Variants in COL9A3 observed in about 807,000 individuals in gnomAD.
COL9A3 encodes the protein collagen alpha-3(IX) chain.
Under a neutral mutation model 110.2 loss-of-function variants are expected in COL9A3, and 82 were observed. That is an observed-to-expected ratio of 0.74 (90% confidence interval 0.62 to 0.89). COL9A3 has a LOEUF of 0.89. COL9A3 is among the 40% of genes least tolerant of loss of function. COL9A3 has a pLI of 0.00. For missense variants in COL9A3, 1,066 were observed against 981.3 expected (o/e 1.09, Z -1.15); for synonymous variants, 494 against 403.8 (o/e 1.22, Z -2.68).
At chr20:62,832,548 GGAGAACTGACA>G (rs2063604719) in intron 25 of COL9A3, among the ~76,000 whole-genome samples, 1 of 152,270 alleles carries the variant, frequency 6.6e-6, no homozygotes, top group South Asian at 2.1e-4. Context: ...CCATCCTTCC[GGAGAACTGACA>G]GAGGGCAGGG....
chr20:62,840,264 C>T (rs1303425524), intron 31 of COL9A3, among the ~76,000 whole-genome samples: 3 of 151,440 alleles, frequency 2.0e-5, no homozygotes, highest in Non-Finnish European at 4.4e-5. Flanking sequence ...CTCACACAGC[C>T]CCCACCAAAC....
Position 62,827,254 on chromosome 20 carries a change from A to T in COL9A3, c.806A>T (p.Glu269Val). Reference protein sequence around the residue: ...GAPGKAGDRGERGPEGFRGPK... With the variant: ...GAPGKAGDRGVRGPEGFRGPK... ...CATCCTTTCCAGGGTGACCGAGGCGAGAGGGGCCCAGAAGGGTTCCGCGGC... is the reference window on the plus strand; with the variant it reads ...CATCCTTTCCAGGGTGACCGAGGCGTGAGGGGCCCAGAAGGGTTCCGCGGC... Residue 269 changes from glutamate (E) to valine (V), a missense_variant, in exon 16 of 32, where the codon GAG becomes GTG. Coordinates refer to ENST00000649368, the MANE Select transcript of COL9A3 (RefSeq NM_001853.4). 6.2e-7 allele frequency: 1 copy of T among 1,613,258 alleles called. No individual in the cohort carries two copies. Among genetic ancestry groups the T allele is most frequent in the Non-Finnish European group, 8.5e-7 (1 of 1,179,968 alleles).
intron 26 of COL9A3, 47 bp downstream of exon 26, chr20:62,833,111 T>C: frequency 6.6e-7 from 1 of 1,507,266 alleles, no homozygotes; most frequent in African/African-American, 1.4e-5. Context: ...GGGAGCGAGG[T>C]CGCCACTGTG....
chr20:62,828,488 C>T (rs2063571286), intron 17 of COL9A3, among the ~76,000 whole-genome samples: 1 of 152,260 alleles, frequency 6.6e-6, no homozygotes, highest in Non-Finnish European at 1.5e-5. Context: ...ACCAAACTTC[C>T]TTAGGGCACC....
chr20:62,822,737 C>G, intron 10 of COL9A3, 105 bp downstream of exon 10: 1 of 1,239,868 alleles, frequency 8.1e-7, no homozygotes, highest in Non-Finnish European at 1.2e-6. Flanking sequence ...GAAGGCAGGG[C>G]CCGAGCCCTC....
chr20:62,817,555 T>C lies in COL9A3; in HGVS notation c.79-12T>C. ...GGCACCTGCGCTCCTTAATGAGTTT[T>C]CTCCGTTTCAGAGAGTGGGACTCCC... On this transcript the variant is annotated splice_polypyrimidine_tract_variant and intron_variant, in intron 1 of 31. Transcript: ENST00000649368. 1.3e-6 allele frequency: 2 copies of C among 1,537,792 alleles called. No homozygotes were observed. The highest frequency in any genetic ancestry group is 1.8e-6 in the Non-Finnish European group (2 of 1,136,282).
chr20:62,836,422 A>G (rs768022039), intron 28 of COL9A3, 56 bp from the exon 29 acceptor site: 15 of 1,613,296 alleles, frequency 9.3e-6, no homozygotes, highest in Non-Finnish European at 1.3e-5. Context: ...TGACGGTGGG[A>G]ATGCCTCACC....
At chr20:62,819,094 A>T in intron 3 of COL9A3, 128 bp from the exon 4 acceptor site, 1 of 923,434 alleles carries the variant, frequency 1.1e-6, no homozygotes, top group Non-Finnish European at 1.7e-6. Context: ...AGTAGGGGGG[A>T]CCCAGGAGAG....
intron 29 of COL9A3, 146 bp from the exon 30 acceptor site, chr20:62,836,937 C>G (rs1291113915): frequency 2.7e-6 from 3 of 1,097,384 alleles, no homozygotes; most frequent in Middle Eastern, 2.9e-4. Context: ...GCATTCATCA[C>G]CCCAAAGCAG....
intron 12 of COL9A3, 52 bp downstream of exon 12, chr20:62,825,073 T>G (rs753869240): frequency 7.5e-7 from 1 of 1,341,120 alleles, no homozygotes; most frequent in Non-Finnish European, 1.0e-6. Flanking sequence ...GAGGCTGGGC[T>G]CCGGCGGGAG....
At chr20:62,821,157 T>C (rs968503696) in intron 5 of COL9A3, 24 bp from the exon 6 acceptor site, 2 of 1,611,972 alleles carry the variant, frequency 1.2e-6, no homozygotes, top group Admixed American at 3.3e-5. Context: ...CAGCCCAACC[T>C]AGACGCCTGC....
At chr20:62,829,978 C>G (rs1600802560) in intron 22 of COL9A3, among the ~76,000 whole-genome samples, 159 bp downstream of exon 22, 1 of 152,144 alleles carries the variant, frequency 6.6e-6, no homozygotes, top group Non-Finnish European at 1.5e-5. Flanking sequence ...TCTTCTTGTC[C>G]CTCACCCGCT....
chr20:62,836,719 G>A, intron 29 of COL9A3, 187 bp downstream of exon 29: 1 of 666,922 alleles, frequency 1.5e-6, no homozygotes, highest in Non-Finnish European at 2.5e-6. Context: ...TGCGCTAGAG[G>A]ATGGCCCACG....
At chr20:62,836,789 A>G (rs977203584) in intron 29 of COL9A3, 1 of 622,588 alleles carries the variant, frequency 1.6e-6, no homozygotes, top group Non-Finnish European at 2.8e-6. Context: ...AGCCTGCTGA[A>G]TGCAATGGGT....
At chr20:62,821,670 C>A (rs2063513994) in intron 7 of COL9A3, 87 bp from the exon 8 acceptor site, 2 of 1,542,118 alleles carry the variant, frequency 1.3e-6, no homozygotes, top group Non-Finnish European at 1.8e-6. Flanking sequence ...GAGCCCCTCT[C>A]CCTTCGGAGG....
chr20:62,825,663 G>A lies in COL9A3; in HGVS notation c.631-154G>A, dbSNP rs912717455. ...AGACTCGCGGGACTGCTCTGGAACT[G>A]TGGGCAAGTGTCCCCTTCACAGAGC... is the stretch of plus-strand genomic sequence containing the variant. On this transcript the variant is annotated intron_variant, in intron 12 of 31. Coordinates refer to ENST00000649368, the MANE Select transcript of COL9A3 (RefSeq NM_001853.4). 6.4e-6 allele frequency: 5 copies of A among 777,642 alleles called. No individual in the cohort carries two copies. In the African/African-American group the frequency reaches 8.6e-5, roughly 13 times the overall value. The allele number at this position is 777,642 out of a possible 1,614,324, so 48.2% of individuals were successfully genotyped here.
rs553863274 is a variant in COL9A3 at position 62,835,819 on chromosome 20, T to C, written c.1369-102T>C. 4 of 1,156,430 alleles carry C rather than the reference T, an allele frequency of 3.5e-6. No individual in the cohort carries two copies. In the African/African-American group the frequency reaches 6.0e-5, roughly 17 times the overall value. 71.6% of individuals were successfully genotyped at this position (1,156,430 alleles called of 1,614,324 possible). A position where few individuals can be genotyped will look rare whatever the true frequency, so the allele number is the denominator to read the frequency against. ...CTGTCAATATTTGGATGTAGTCTAATAGCAGGTGTGTGGATGATTTGATTT... is the reference window on the plus strand; with the variant it reads ...CTGTCAATATTTGGATGTAGTCTAACAGCAGGTGTGTGGATGATTTGATTT... On this transcript the variant is annotated intron_variant, in intron 26 of 31. Transcript: ENST00000649368.
chr20:62,827,447 G>A (rs922922268), intron 16 of COL9A3, among the ~76,000 whole-genome samples, 153 bp downstream of exon 16: 2 of 152,158 alleles, frequency 1.3e-5, no homozygotes, highest in Non-Finnish European at 2.9e-5. Context: ...GCCTGACCCT[G>A]GAGGGCCCGA....
chr20:62,820,228 G>A (rs979626741), intron 5 of COL9A3, among the ~76,000 whole-genome samples: 2 of 152,072 alleles, frequency 1.3e-5, no homozygotes, highest in Non-Finnish European at 2.9e-5. Context: ...GGGAGAAGGG[G>A]GATGGTTTGG....
Sources: gnomAD v4.1 joint callset for allele counts (sites outside exome capture counted in the v4.1 genomes callset) on GRCh38, gnomAD v4.1.1 for gene constraint, MANE v1.5 for transcripts, NCBI Gene and HGNC (gene_info 2026-07-23, HGNC 2026-07-21) for gene names.